Variants in OR1J2 observed in about 807,000 individuals in gnomAD.
The protein encoded by OR1J2 is olfactory receptor 1J2.
For missense variants in OR1J2, 304 were observed against 246.1 expected (o/e 1.24, Z -1.57); for synonymous variants, 142 against 99.7 (o/e 1.42, Z -2.52).
chr9:122,511,100 A>G lies in OR1J2; in HGVS notation c.299A>G (p.Gln100Arg), dbSNP rs1230363385. Residue 100 changes from glutamine (Q) to arginine (R), a missense_variant, in exon 1 of 1, where the codon CAG becomes CGG. Gln to Arg is a conservative substitution (Grantham distance 43, BLOSUM62 1). Coordinates refer to ENST00000335302, the MANE Select transcript of OR1J2 (RefSeq NM_054107.1). ...KSILYEECIS[Q>R]MYFFIFFTDL... ...ATCCTCTATGAGGAATGCATTTCTC[A>G]GATGTATTTTTTTATATTTTTTACT... 9.2e-7 allele frequency: 1 copy of G among 1,086,058 alleles called. No individual in the cohort carries two copies. Among genetic ancestry groups the G allele is most frequent in the Admixed American group, 2.1e-5 (1 of 48,726 alleles). The allele number at this position is 1,086,058 out of a possible 1,614,324, so 67.3% of individuals were successfully genotyped here.
chr9:122,449,925 A>G, the OR1J2 span, among the ~76,000 whole-genome samples: 44 of 152,244 alleles, frequency 2.9e-4, no homozygotes, highest in South Asian at 9.1e-3. Flanking sequence ...CCATCTGTTA[A>G]TCTTTCCTCC....
chr9:122,569,847 A>T, the OR1J2 span, among the ~76,000 whole-genome samples: 1 of 149,962 alleles, frequency 6.7e-6, no homozygotes, highest in South Asian at 2.1e-4. Flanking sequence ...ACCCCACAAC[A>T]GTCCCCAGAG....
chr9:122,486,845 A>G, the OR1J2 span, among the ~76,000 whole-genome samples: 2 of 152,226 alleles, frequency 1.3e-5, no homozygotes, highest in Non-Finnish European at 2.9e-5. Context: ...CAGAGCATTG[A>G]TGGAAAAGAC....
the OR1J2 span, among the ~76,000 whole-genome samples, chr9:122,580,201 CAGT>C: frequency 6.6e-6 from 1 of 152,084 alleles, no homozygotes; most frequent in Non-Finnish European, 1.5e-5. Flanking sequence ...ATATTTCTGA[CAGT>C]AGAAAAAGCA....
the OR1J2 span, chr9:122,553,578 T>C: frequency 1.2e-6 from 2 of 1,614,052 alleles, no homozygotes; most frequent in Non-Finnish European, 1.7e-6. Flanking sequence ...TGTGATGGCA[T>C]ATGACCGCTA....
At chr9:122,515,352 T>TTGTGTGTGTGTGTGTGTGTGTGTG (rs10651846), downstream of OR1J2, among the ~76,000 whole-genome samples, 30 of 135,810 alleles carry the variant, frequency 2.2e-4, no homozygotes, top group South Asian at 5.2e-4. Flanking sequence ...CAGGAGCAGG[T>TTGTGTGTGTGTGTGTGTGTGTGTG]TGTGTGTGTG....
the OR1J2 span, among the ~76,000 whole-genome samples, chr9:122,491,164 C>T: frequency 1.3e-5 from 2 of 152,130 alleles, no homozygotes; most frequent in Non-Finnish European, 2.9e-5. Flanking sequence ...GAGTTGAAAA[C>T]CTCTCTAAAT....
chr9:122,527,178 C>T, the OR1J2 span: 2 of 1,614,142 alleles, frequency 1.2e-6, no homozygotes, highest in Non-Finnish European at 1.7e-6. Flanking sequence ...GAGCAGGTTC[C>T]CAGTCAAGGT....
At chr9:122,500,440 A>C in the OR1J2 span, among the ~76,000 whole-genome samples, 5 of 152,178 alleles carry the variant, frequency 3.3e-5, no homozygotes, top group African/African-American at 1.2e-4. Context: ...GGTGTGCTTC[A>C]TGATTCTGGT....
the OR1J2 span, among the ~76,000 whole-genome samples, chr9:122,491,603 C>T: frequency 6.6e-5 from 10 of 152,100 alleles, no homozygotes; most frequent in South Asian, 2.1e-4. Flanking sequence ...AATGTAGAGC[C>T]AAGGTTAAGT....
chr9:122,512,052 A>G (rs901787266), downstream of OR1J2, among the ~76,000 whole-genome samples: 29 of 152,188 alleles, frequency 1.9e-4, no homozygotes, highest in African/African-American at 7.0e-4. Flanking sequence ...AGACATATAT[A>G]TTTTTGGCCT....
At chr9:122,559,273 T>G in the OR1J2 span, among the ~76,000 whole-genome samples, 52 of 152,202 alleles carry the variant, frequency 3.4e-4, no homozygotes, top group Non-Finnish European at 6.2e-4. Context: ...ACTTTTTTTG[T>G]TGTTGTTTTT....
chr9:122,477,598 A>T, the OR1J2 span: 6 of 1,614,098 alleles, frequency 3.7e-6, no homozygotes, highest in South Asian at 6.6e-5. Context: ...GAAACTGTCT[A>T]AGTCAGCAAA....
the OR1J2 span, among the ~76,000 whole-genome samples, chr9:122,543,963 G>A: frequency 1.3e-5 from 2 of 152,138 alleles, no homozygotes; most frequent in African/African-American, 4.8e-5. Context: ...ACCGATTTTG[G>A]TTATCATAAT....
downstream of OR1J2, among the ~76,000 whole-genome samples, chr9:122,512,824 A>G (rs1046480480): frequency 1.3e-5 from 2 of 152,202 alleles, no homozygotes; most frequent in Non-Finnish European, 2.9e-5. Flanking sequence ...TCAGTGTGCC[A>G]TGTAACTTTT....
At chr9:122,467,628 G>A in the OR1J2 span, among the ~76,000 whole-genome samples, 2 of 152,044 alleles carry the variant, frequency 1.3e-5, no homozygotes, top group Admixed American at 1.3e-4. Flanking sequence ...TAAAACCCTT[G>A]CTTAATATTA....
downstream of OR1J2, among the ~76,000 whole-genome samples, chr9:122,516,154 C>T (rs112960507): frequency 5.2e-3 from 789 of 152,144 alleles, 6 homozygotes; most frequent in African/African-American, 0.018. Flanking sequence ...GATTTGAATC[C>T]CTTCTGTCTG....
chr9:122,563,548 C>T, the OR1J2 span, among the ~76,000 whole-genome samples: 1 of 152,190 alleles, frequency 6.6e-6, no homozygotes, highest in African/African-American at 2.4e-5. Flanking sequence ...AATATTTTCT[C>T]CCATCCTGTA....
chr9:122,537,332 A>G, the OR1J2 span, among the ~76,000 whole-genome samples: 6 of 152,208 alleles, frequency 3.9e-5, no homozygotes, highest in Non-Finnish European at 8.8e-5. Flanking sequence ...ATTTTTAACT[A>G]CTGGGTTTAG....
Sources: gnomAD v4.1 joint callset for allele counts (sites outside exome capture counted in the v4.1 genomes callset) on GRCh38, gnomAD v4.1.1 for gene constraint, MANE v1.5 for transcripts, NCBI Gene and HGNC (gene_info 2026-07-23, HGNC 2026-07-21) for gene names.